Variants in MAP3K9 observed in about 807,000 individuals in gnomAD.
MAP3K9 encodes the protein mixed lineage kinase 1 (tyr and ser/thr specificity).
Under a neutral mutation model 95.8 loss-of-function variants are expected in MAP3K9, and 46 were observed. The ratio of observed to expected loss-of-function variants is 0.48; its 90% CI spans 0.38 to 0.61. MAP3K9 has a LOEUF of 0.61. Among genes scored for constraint, MAP3K9 ranks in the 20% least tolerant of loss-of-function variants. The pLI is 0.00. For missense variants in MAP3K9, 1,296 were observed against 1,474.3 expected (o/e 0.88, Z 1.98); for synonymous variants, 533 against 593.8 (o/e 0.90, Z 1.49).
chr14:70,757,241 G>T (rs1363691174), intron 3 of MAP3K9, among the ~76,000 whole-genome samples: 1 of 152,076 alleles, frequency 6.6e-6, no homozygotes, highest in Non-Finnish European at 1.5e-5. Flanking sequence ...GGAGACCAAG[G>T]CAGGTGAACA....
At chr14:70,784,726 A>C (rs370888509) in intron 2 of MAP3K9, among the ~76,000 whole-genome samples, 67 of 152,318 alleles carry the variant, frequency 4.4e-4, no homozygotes, top group South Asian at 1.4e-3. Flanking sequence ...ATGGAAGAAG[A>C]AGCAAACCTG....
intron 2 of MAP3K9, among the ~76,000 whole-genome samples, chr14:70,793,652 TTTCATTCATTCA>T (rs10672359): frequency 6.6e-6 from 1 of 150,492 alleles, no homozygotes; most frequent in Non-Finnish European, 1.5e-5. Context: ...TCACATGATA[TTTCATTCATTCA>T]TTCATTCATT....
intron 2 of MAP3K9, among the ~76,000 whole-genome samples, chr14:70,765,751 CAAAAAAAAACAAAA>C (rs1566749994): frequency 3.3e-5 from 3 of 89,808 alleles, no homozygotes; most frequent in Admixed American, 1.1e-4. Context: ...AAAAAAAAAA[CAAAAAAAAACAAAA>C]AAAAAAAAAC....
chr14:70,735,341 T>G (rs1288428120), intron 9 of MAP3K9, among the ~76,000 whole-genome samples: 1 of 149,366 alleles, frequency 6.7e-6, no homozygotes, highest in Non-Finnish European at 1.5e-5. Flanking sequence ...GCCCTGGAAA[T>G]ATTGGGATTA....
chr14:70,765,555 A>C, intron 2 of MAP3K9: 1 of 598,600 alleles, frequency 1.7e-6, no homozygotes, highest in South Asian at 2.0e-5. Flanking sequence ...GTATAGATAC[A>C]TTTAGGTACA....
chr14:70,798,808 T>A (rs1028686651), intron 2 of MAP3K9, among the ~76,000 whole-genome samples: 5 of 151,944 alleles, frequency 3.3e-5, no homozygotes, highest in African/African-American at 1.2e-4. Flanking sequence ...AAGAATAGAA[T>A]TTGAGTGGGG....
rs1276341549 is a variant in MAP3K9 at position 70,725,560 on chromosome 14, C to G, written c.*4820G>C. On this transcript the variant is annotated 3_prime_UTR_variant, in exon 12 of 12. Transcript: ENST00000554752. ...TGAGCACCCACCCAGGTAGCAATGC[C>G]AGGGAAAAGCCCAGGACTGAGGTCC... is the stretch of plus-strand genomic sequence containing the variant. The G allele has an allele frequency of 6.6e-6, 1 of 152,186 alleles. No individual in the cohort carries two copies. Among genetic ancestry groups the G allele is most frequent in the Non-Finnish European group, 1.5e-5 (1 of 68,034 alleles). 9.4% of individuals were successfully genotyped at this position (152,186 alleles called of 1,614,324 possible).
Position 70,730,206 on chromosome 14 carries a change from G to A in MAP3K9, c.*174C>T, listed in dbSNP as rs1346768080. 6 of 939,372 alleles carry A rather than the reference G, an allele frequency of 6.4e-6. No individual in the cohort carries two copies. Among genetic ancestry groups the A allele is most frequent in the Non-Finnish European group, 9.3e-6 (6 of 647,740 alleles). The allele number at this position is 939,372 out of a possible 1,614,324, so 58.2% of individuals were successfully genotyped here. ...GGACACGGGTAGAAAGGCCCTGCAGGGCAGGAGACCCTCTGAAGTGGCCCT... is the reference window on the plus strand; with the variant it reads ...GGACACGGGTAGAAAGGCCCTGCAGAGCAGGAGACCCTCTGAAGTGGCCCT... On this transcript the variant is annotated 3_prime_UTR_variant, in exon 12 of 12. Transcript: ENST00000554752.
At chr14:70,800,502 C>T (rs2054915775) in intron 2 of MAP3K9, among the ~76,000 whole-genome samples, 165 bp downstream of exon 2, 1 of 152,110 alleles carries the variant, frequency 6.6e-6, no homozygotes, top group South Asian at 2.1e-4. Context: ...ACCAATCTTT[C>T]TTGGCACTCA....
Position 70,809,507 on chromosome 14 carries a change from T to G in MAP3K9, c.-336A>C. The G allele has an allele frequency of 6.1e-6, 1 of 162,852 alleles. No homozygotes were observed. Among genetic ancestry groups the G allele is most frequent in the Non-Finnish European group, 1.3e-5 (1 of 75,896 alleles). The allele number at this position is 162,852 out of a possible 1,614,324, so 10.1% of individuals were successfully genotyped here. A position where few individuals can be genotyped will look rare whatever the true frequency, so the allele number is the denominator to read the frequency against. On this transcript the variant is annotated 5_prime_UTR_variant, in exon 1 of 12. Transcript: ENST00000554752. ...CGCTGCCAGCCGGCCGCCGCTCTCC[T>G]CTCCGCGCCGTGCCGTGCCCCGCCC... is the stretch of plus-strand genomic sequence containing the variant.
At chr14:70,763,965 C>T (rs954299404) in intron 2 of MAP3K9, among the ~76,000 whole-genome samples, 2 of 150,660 alleles carry the variant, frequency 1.3e-5, no homozygotes, top group Admixed American at 1.3e-4. Flanking sequence ...GCGGGTGGAT[C>T]ATGAGGTCAG....
chr14:70,793,957 G>A (rs542033012), intron 2 of MAP3K9, among the ~76,000 whole-genome samples: 44 of 152,264 alleles, frequency 2.9e-4, no homozygotes, highest in African/African-American at 1.1e-3. Context: ...CTAGTCTCTT[G>A]TCACTCCAAT....
Position 70,750,109 on chromosome 14 carries a change from T to C in MAP3K9, c.1002-28A>G, listed in dbSNP as rs1208817346. On this transcript the variant is annotated intron_variant, in intron 3 of 11. Coordinates refer to ENST00000554752, the MANE Select transcript of MAP3K9 (RefSeq NM_001284230.2). ...AAGGAGAGGAAGAAGACAGAAGCCA[T>C]GTAATAAACTTCAGGTACAACTTCA... 2.5e-6 allele frequency: 4 copies of C among 1,611,030 alleles called. No individual in the cohort carries two copies. In the Admixed American group the frequency reaches 5.0e-5, roughly 20 times the overall value.
At chr14:70,747,891 G>A (rs530717990) in intron 5 of MAP3K9, among the ~76,000 whole-genome samples, 149 of 152,100 alleles carry the variant, frequency 9.8e-4, no homozygotes, top group Admixed American at 1.2e-3. Context: ...GGCGGATCAC[G>A]AGGTCAGGAG....
At chr14:70,793,656 A>G (rs1345965660) in intron 2 of MAP3K9, among the ~76,000 whole-genome samples, 1 of 151,808 alleles carries the variant, frequency 6.6e-6, no homozygotes, top group Non-Finnish European at 1.5e-5. Context: ...ATGATATTTC[A>G]TTCATTCATT....
chr14:70,738,312 T>C lies in MAP3K9; in HGVS notation c.1777A>G (p.Lys593Glu), dbSNP rs372081680. ...GGCCCCCACGTCCGTCCCTTCTTCT[T>C]TGGGGCCCTCTTCTCCTCCTCCTCC... The part of the protein sequence containing the change: ...EGEEEEKRAP[K>E]KKGRTWGPGT... Residue 593 changes from lysine to glutamate, a missense_variant, in exon 8 of 12, where the codon AAG becomes GAG. Transcript: ENST00000554752. 1.2e-6 allele frequency: 2 copies of C among 1,613,930 alleles called. No individual in the cohort carries two copies. Among genetic ancestry groups the C allele is most frequent in the African/African-American group, 2.7e-5 (2 of 74,932 alleles).
At chr14:70,745,665 G>A (rs908190930) in intron 5 of MAP3K9, among the ~76,000 whole-genome samples, 2 of 151,966 alleles carry the variant, frequency 1.3e-5, no homozygotes, top group Non-Finnish European at 2.9e-5. Context: ...TTGAACCCGG[G>A]AGGTGGAGGT....
At chr14:70,740,505 A>T (rs1447116481) in intron 6 of MAP3K9, among the ~76,000 whole-genome samples, 4 of 152,170 alleles carry the variant, frequency 2.6e-5, no homozygotes, top group African/African-American at 9.7e-5. Flanking sequence ...TTTAACTTAA[A>T]ATTATTGGTT....
At chr14:70,762,518 CAT>C (rs1339209312) in intron 2 of MAP3K9, among the ~76,000 whole-genome samples, 4 of 152,310 alleles carry the variant, frequency 2.6e-5, no homozygotes, top group Middle Eastern at 6.8e-3. Context: ...TCTATCTTCT[CAT>C]GAGTTTGTTG....
Sources: gnomAD v4.1 joint callset for allele counts (sites outside exome capture counted in the v4.1 genomes callset) on GRCh38, gnomAD v4.1.1 for gene constraint, MANE v1.5 for transcripts, NCBI Gene and HGNC (gene_info 2026-07-23, HGNC 2026-07-21) for gene names.